The following PTK2 variants were observed in gnomAD, a reference collection of about 807,000 sequenced individuals.
PTK2 encodes protein tyrosine kinase 2.
Under a neutral mutation model 150.1 loss-of-function variants are expected in PTK2, and 45 were observed. That is an observed-to-expected ratio of 0.30 (90% CI 0.24 to 0.38). PTK2 has a LOEUF of 0.38. Ranked by LOEUF, PTK2 falls within the 10% of genes least tolerant of loss-of-function variation. The pLI is 1.00. For missense variants in PTK2, 919 were observed against 1,307.3 expected, an observed-to-expected ratio of 0.70 and a Z score of 4.58; for synonymous variants, 432 against 449.2, an observed-to-expected ratio of 0.96 and a Z score of 0.48.
At chr8:140,843,791 T>A (rs1232079308) in intron 7 of PTK2, among the ~76,000 whole-genome samples, 1 of 151,732 alleles carries the variant, frequency 6.6e-6, no homozygotes, top group Non-Finnish European at 1.5e-5. Context: ...GTCCCCCTAC[T>A]ATTAATATCT....
chr8:140,944,503 C>A (rs975723162), intron 1 of PTK2, among the ~76,000 whole-genome samples: 5 of 152,188 alleles, frequency 3.3e-5, no homozygotes, highest in Non-Finnish European at 7.3e-5. Context: ...CTTCTCTAAG[C>A]CCAGTTTCTC....
intron 2 of PTK2, among the ~76,000 whole-genome samples, chr8:140,919,978 A>G (rs148693186): frequency 2.6e-5 from 4 of 152,232 alleles, no homozygotes; most frequent in African/African-American, 9.6e-5. Flanking sequence ...TTTACCCTGA[A>G]AACTAAAATC....
At chr8:140,777,258 T>G (rs2100078997) in intron 14 of PTK2, among the ~76,000 whole-genome samples, 1 of 152,228 alleles carries the variant, frequency 6.6e-6, no homozygotes. Flanking sequence ...GCTGACATCT[T>G]TTTGGCTTCT....
intron 29 of PTK2, chr8:140,670,050 G>C (rs1305912418): frequency 2.3e-5 from 7 of 305,260 alleles, no homozygotes; most frequent in Admixed American, 1.0e-4. Context: ...TCAACAGAAT[G>C]AGAGCTCTTC....
At chr8:140,926,976 G>C (rs2100169683) in intron 1 of PTK2, among the ~76,000 whole-genome samples, 1 of 152,146 alleles carries the variant, frequency 6.6e-6, no homozygotes, top group South Asian at 2.1e-4. Context: ...CTAAATTCCA[G>C]ATTTAGAAAC....
At chr8:140,679,179 C>T (rs556227363) in intron 27 of PTK2, among the ~76,000 whole-genome samples, 1 of 151,768 alleles carries the variant, frequency 6.6e-6, no homozygotes, top group Admixed American at 6.6e-5. Flanking sequence ...TGTGCACCAC[C>T]ACGCCTGGGT....
intron 5 of PTK2, among the ~76,000 whole-genome samples, chr8:140,856,299 G>A (rs1478684056): frequency 6.6e-6 from 1 of 152,102 alleles, no homozygotes; most frequent in South Asian, 2.1e-4. Flanking sequence ...CATTTAACAT[G>A]AAAGTCCCAG....
At chr8:140,673,735 C>T (rs533063622) in intron 29 of PTK2, among the ~76,000 whole-genome samples, 3 of 152,228 alleles carry the variant, frequency 2.0e-5, no homozygotes, top group East Asian at 3.9e-4. Context: ...TGGCACCCCT[C>T]GGGGCAGGCT....
At chr8:140,891,417 T>C (rs1424292013) in intron 2 of PTK2, among the ~76,000 whole-genome samples, 1 of 151,728 alleles carries the variant, frequency 6.6e-6, no homozygotes, top group East Asian at 1.9e-4. Flanking sequence ...TCGAGAAACA[T>C]GAAAATCCAG....
At chr8:140,700,842 C>T in intron 26 of PTK2, 49 bp downstream of exon 29, 5 of 1,604,584 alleles carry the variant, frequency 3.1e-6, no homozygotes, top group Non-Finnish European at 4.3e-6. Context: ...ATATAGTAGA[C>T]TCTAACAGGG....
intron 1 of PTK2, among the ~76,000 whole-genome samples, chr8:140,983,276 A>G (rs1449964664): frequency 6.6e-6 from 1 of 150,790 alleles, no homozygotes; most frequent in Non-Finnish European, 1.5e-5. Flanking sequence ...AATCCCAGCT[A>G]CTCGGAAGGC....
At chr8:140,710,723 T>C (rs1030037784) in intron 23 of PTK2, among the ~76,000 whole-genome samples, 1 of 151,792 alleles carries the variant, frequency 6.6e-6, no homozygotes, top group Non-Finnish European at 1.5e-5. Flanking sequence ...CTGGAAGAGG[T>C]ATGTAGGTTA....
intron 7 of PTK2, chr8:140,832,961 A>G (rs574713718): frequency 1.2e-4 from 61 of 519,018 alleles, no homozygotes; most frequent in South Asian, 8.4e-4. Flanking sequence ...TGTGGCTGTC[A>G]ACTGCTATTA....
At chr8:140,978,588 A>ATG (rs1569534050) in intron 1 of PTK2, among the ~76,000 whole-genome samples, 22 of 147,624 alleles carry the variant, frequency 1.5e-4, no homozygotes, top group African/African-American at 4.6e-4. Context: ...TTAGAATGGC[A>ATG]ATCATTAAAA....
chr8:140,662,540 G>T, intron 31 of PTK2: 1 of 401,908 alleles, frequency 2.5e-6, no homozygotes, highest in Non-Finnish European at 4.4e-6. Flanking sequence ...AAGCAGGTAA[G>T]TGAGAGAACC....
chr8:140,728,233 A>G (rs2100047118), intron 22 of PTK2, among the ~76,000 whole-genome samples: 1 of 152,040 alleles, frequency 6.6e-6, no homozygotes, highest in Admixed American at 6.6e-5. Context: ...AAGAAAAGTT[A>G]AAGATGTTCC....
rs187293156 is a variant in PTK2, at chr8:140,756,850, G to A, written c.1332+4315C>T. On this transcript the variant is annotated intron_variant, in intron 16 of 31. Coordinates refer to ENST00000522684, the Ensembl canonical transcript of PTK2. The stretch of plus-strand genomic sequence containing the variant: ...TAAAAATACAAAAAATTAGCCGGGC[G>A]TGGTGGTGGGCGCTTGTAGTCCCAG... Among the ~76,000 whole-genome samples the A allele has an allele frequency of 4.5e-3, 680 of 151,790 alleles. 4 individuals carry two copies. The highest frequency in any genetic ancestry group is 0.016 in the African/African-American group (644 of 41,380).
upstream of PTK2, chr8:141,001,960 T>C (rs1380438755): frequency 6.6e-6 from 1 of 152,196 alleles, no homozygotes; most frequent in Non-Finnish European, 1.5e-5. Flanking sequence ...ACAGGTTACC[T>C]AAATGAACGC....
intron 31 of PTK2, 122 bp downstream of exon 35, chr8:140,664,795 A>C: frequency 1.1e-6 from 1 of 938,876 alleles, no homozygotes; most frequent in African/African-American, 1.6e-5. Context: ...CATCGCTTGT[A>C]GGGCAGTTGA....
Sources: gnomAD v4.1 joint callset for allele counts (sites outside exome capture counted in the v4.1 genomes callset) on GRCh38, gnomAD v4.1.1 for gene constraint, MANE v1.5 for transcripts, NCBI Gene and HGNC (gene_info 2026-07-23, HGNC 2026-07-21) for gene names.